Variants in STARD9 observed in about 807,000 individuals in gnomAD.
STARD9 encodes the protein StAR related lipid transfer domain containing 9.
STARD9 carries 346 observed loss-of-function variants against 399.8 expected under a neutral mutation model. The ratio of observed to expected loss-of-function variants is 0.87; its 90% CI spans 0.79 to 0.95. The LOEUF (loss-of-function observed/expected upper bound fraction) is 0.95, where lower values mean the gene tolerates loss of function less well. Ranked by LOEUF, STARD9 falls within the 40% of genes least tolerant of loss-of-function variation. The pLI, the probability that STARD9 is intolerant of heterozygous loss-of-function variation, is 0.00. For missense variants in STARD9, 5,832 were observed against 5,667.5 expected (o/e 1.03, Z -0.93); for synonymous variants, 2,203 against 2,143.5 (o/e 1.03, Z -0.77).
chr15:42,674,172 G>T (rs2060261695), intron 16 of STARD9, among the ~76,000 whole-genome samples: 1 of 152,190 alleles, frequency 6.6e-6, no homozygotes, highest in South Asian at 2.1e-4. Flanking sequence ...GCCCACACTT[G>T]CTGGACTTTG....
chr15:42,632,474 G>A (rs1403942753), intron 3 of STARD9, among the ~76,000 whole-genome samples: 1 of 152,120 alleles, frequency 6.6e-6, no homozygotes, highest in Non-Finnish European at 1.5e-5. Flanking sequence ...TTTGTTATTT[G>A]TTTTCTGGTT....
At chr15:42,649,862 C>CTTTTTT (rs765573235) in intron 7 of STARD9, among the ~76,000 whole-genome samples, 4 of 107,228 alleles carry the variant, frequency 3.7e-5, no homozygotes, top group Non-Finnish European at 5.6e-5. Context: ...CGAGCCTGGC[C>CTTTTTT]TTTTTTTTTT....
chr15:42,718,928 G>A lies in STARD9; in HGVS notation c.14001+18G>A, dbSNP rs1451944421. On this transcript the variant is annotated intron_variant, in intron 32 of 32. Coordinates refer to ENST00000290607, the MANE Select transcript of STARD9 (RefSeq NM_020759.3). ...TGGCCCAGGTGATAAATCCTTTGCAGCTGGCCTCACAGCACAGGCTGACTT... is the reference window on the plus strand; with the variant it reads ...TGGCCCAGGTGATAAATCCTTTGCAACTGGCCTCACAGCACAGGCTGACTT... The A allele has an allele frequency of 6.5e-7, 1 of 1,536,136 alleles. No individual in the cohort carries two copies. The highest frequency in any genetic ancestry group is 1.4e-5 in the African/African-American group (1 of 73,026).
intron 9 of STARD9, 110 bp downstream of exon 9, chr15:42,652,702 G>T (rs1327374817): frequency 2.8e-5 from 28 of 995,424 alleles, no homozygotes; most frequent in Admixed American, 6.1e-5. Flanking sequence ...TTGAGACAGG[G>T]TCTCAGTCTG....
chr15:42,626,302 C>G (rs2059211197), intron 3 of STARD9, among the ~76,000 whole-genome samples: 1 of 143,042 alleles, frequency 7.0e-6, no homozygotes, highest in African/African-American at 2.9e-5. Flanking sequence ...TCTTCCTCCC[C>G]TTCTTCCTCT....
intron 24 of STARD9, 89 bp downstream of exon 24, chr15:42,694,814 G>T (rs2060804970): frequency 2.7e-6 from 3 of 1,119,212 alleles, no homozygotes; most frequent in Non-Finnish European, 3.8e-6. Flanking sequence ...GCATCCTGGA[G>T]GGTTCTCTAT....
chr15:42,633,810 T>C (rs1462200457), intron 3 of STARD9, among the ~76,000 whole-genome samples: 3 of 151,856 alleles, frequency 2.0e-5, no homozygotes, highest in African/African-American at 4.8e-5. Flanking sequence ...GCCTGGGTAA[T>C]TTTTTGTATT....
chr15:42,680,296 G>A (rs1453881425), intron 20 of STARD9, among the ~76,000 whole-genome samples: 6 of 152,154 alleles, frequency 3.9e-5, no homozygotes, highest in African/African-American at 1.2e-4. Context: ...AGTAAGGCAT[G>A]ACTAAAATCT....
At position 42,692,893 on chromosome 15, in the gene STARD9, C is replaced by T; in HGVS notation, c.11315C>T (p.Ser3772Phe). The change falls in exon 23 of 33, where the codon TCT (serine) becomes TTT (phenylalanine). Residue 3772 changes from serine to phenylalanine, a missense_variant. This residue lies in a region of STARD9 where 5,828 missense variants were observed against 5,651.1 expected (regional missense o/e 1.03). Coordinates refer to ENST00000290607, the MANE Select transcript of STARD9 (RefSeq NM_020759.3). ...EGLGSDTSTV[S>F]QEEGDVPGVP... ...CTAGGCTCAGATACCTCGACTGTGT[C>T]TCAAGAAGAGGGAGATGTGCCAGGG... 1 of 1,537,252 alleles carries T rather than the reference C, an allele frequency of 6.5e-7. No homozygotes were observed. The highest frequency in any genetic ancestry group is 8.7e-7 in the Non-Finnish European group (1 of 1,146,914).
At chr15:42,616,809 C>T (rs544593985) in intron 3 of STARD9, among the ~76,000 whole-genome samples, 253 of 149,092 alleles carry the variant, frequency 1.7e-3, no homozygotes, top group Non-Finnish European at 3.0e-3. Flanking sequence ...GAGAATGGCA[C>T]GAACCCAGGA....
chr15:42,618,643 C>T (rs2059021234), intron 3 of STARD9, among the ~76,000 whole-genome samples: 1 of 152,046 alleles, frequency 6.6e-6, no homozygotes, highest in Non-Finnish European at 1.5e-5. Context: ...TGTCACCAGG[C>T]TGGAGTGCAG....
In STARD9 at chr15:42,692,839, C is replaced by T; in HGVS notation, c.11261C>T (p.Pro3754Leu). 2.0e-6 allele frequency: 3 copies of T among 1,537,274 alleles called. No homozygotes were observed. Among genetic ancestry groups the T allele is most frequent in the Middle Eastern group, 1.7e-4 (1 of 5,990 alleles). ...TLCLQTSEAE[P>L]QGANVILEGL... ...TGCCTCCAGACTTCAGAGGCTGAAC[C>T]TCAGGGAGCCAATGTGATCCTTGAA... Residue 3754 changes from proline to leucine, a missense_variant, in exon 23 of 33, where the codon CCT becomes CTT. By Grantham distance (98) the Pro-to-Leu change is moderately conservative. Coordinates refer to ENST00000290607, the MANE Select transcript of STARD9 (RefSeq NM_020759.3).
Position 42,663,338 on chromosome 15 carries a change from G to T in STARD9, c.926G>T (p.Gly309Val). The T allele has an allele frequency of 5.2e-6, 8 of 1,537,324 alleles. No homozygotes were observed. Among genetic ancestry groups the T allele is most frequent in the Non-Finnish European group, 7.0e-6 (8 of 1,146,916 alleles). Residue 309 changes from glycine (G) to valine (V), a missense_variant, in exon 12 of 33, where the codon GGT becomes GTT. Transcript: ENST00000290607. ...AGCCTCAACAGCTCAGTCAGCAATG[G>T]TGGTGACAGTGGGATCCTTAGCTCT... ...CQSLNSSVSN[G>V]GDSGILSSPS...
intron 3 of STARD9, among the ~76,000 whole-genome samples, chr15:42,604,786 A>G (rs529645741): frequency 6.6e-6 from 1 of 151,532 alleles, no homozygotes; most frequent in South Asian, 2.1e-4. Flanking sequence ...TAAGACTACA[A>G]ACATGTGCCA....
intron 9 of STARD9, among the ~76,000 whole-genome samples, chr15:42,660,141 A>G (rs1349658202): frequency 6.6e-6 from 1 of 152,244 alleles, no homozygotes; most frequent in Non-Finnish European, 1.5e-5. Context: ...CTGAAAAGGT[A>G]GACTTACAGA....
chr15:42,690,445 C>A lies in STARD9; in HGVS notation c.8867C>A (p.Pro2956Gln). The A allele has an allele frequency of 6.5e-7, 1 of 1,537,232 alleles. No homozygotes were observed. Among genetic ancestry groups the A allele is most frequent in the Non-Finnish European group, 8.7e-7 (1 of 1,146,900 alleles). Residue 2956 changes from proline (P) to glutamine (Q), a missense_variant, in exon 23 of 33, where the codon CCA becomes CAA. By Grantham distance (76) the Pro-to-Gln change is moderately conservative. Coordinates refer to ENST00000290607, the MANE Select transcript of STARD9 (RefSeq NM_020759.3). ...AGCAGAACTCTTCCTTGCCGACAGCCATGCAGTTCTCAACCTGTTGCTACT... is the reference window on the plus strand; with the variant it reads ...AGCAGAACTCTTCCTTGCCGACAGCAATGCAGTTCTCAACCTGTTGCTACT... ...KESRTLPCRQ[P>Q]CSSQPVATHA...
chr15:42,684,544 G>A lies in STARD9; in HGVS notation c.2966G>A (p.Gly989Glu). 1.3e-6 allele frequency: 2 copies of A among 1,537,232 alleles called. No individual in the cohort carries two copies. Among genetic ancestry groups the A allele is most frequent in the Non-Finnish European group, 1.7e-6 (2 of 1,146,916 alleles). Residue 989 changes from glycine (G) to glutamate (E), a missense_variant, in exon 23 of 33, where the codon GGG becomes GAG. Transcript: ENST00000290607. The part of the protein sequence containing the change: ...GLADPSHTQA[G>E]WRKEGNLGTH... The stretch of plus-strand genomic sequence containing the variant: ...GCAGACCCTAGCCACACACAAGCTG[G>A]GTGGCGAAAAGAAGGGAACCTTGGG...
intron 3 of STARD9, among the ~76,000 whole-genome samples, chr15:42,630,963 C>A (rs576444632): frequency 6.7e-6 from 1 of 148,784 alleles, no homozygotes; most frequent in Non-Finnish European, 1.5e-5. Flanking sequence ...GTGTTTGATT[C>A]GCTCTTACTT....
chr15:42,651,016 G>T lies in STARD9; in HGVS notation c.560G>T (p.Gly187Val). Residue 187 changes from glycine (G) to valine (V), a missense_variant and splice_region_variant, in exon 8 of 33, where the codon GGT becomes GTT. Physicochemically the swap from Gly to Val is moderately radical, Grantham distance 109 (BLOSUM62 -3). Around this residue, in one of 2 missense-constraint regions of STARD9, gnomAD observed 5,828 missense variants for 5,651.1 expected, o/e 1.03. Coordinates refer to ENST00000290607, the MANE Select transcript of STARD9 (RefSeq NM_020759.3). ...EHPEMGPYVQ[G>V]LSQHVVTNYK... The stretch of plus-strand genomic sequence containing the variant: ...TTTTTCCGTTTCACAAATCCGATAG[G>T]TTTATCTCAACATGTAGTTACCAAT... The T allele has an allele frequency of 6.6e-7, 1 of 1,523,496 alleles. No homozygotes were observed. Among genetic ancestry groups the T allele is most frequent in the Non-Finnish European group, 8.8e-7 (1 of 1,137,740 alleles). 94.4% of individuals were successfully genotyped at this position (1,523,496 alleles called of 1,614,324 possible).
Sources: gnomAD v4.1 joint callset for allele counts (sites outside exome capture counted in the v4.1 genomes callset) on GRCh38, gnomAD v4.1.1 for gene constraint, gnomAD v4.1.1 regional missense constraint, MANE v1.5 for transcripts, NCBI Gene and HGNC (gene_info 2026-07-23, HGNC 2026-07-21) for gene names.